LRP11: variants seen among roughly 807,000 people sequenced by gnomAD.
LRP11 encodes low-density lipoprotein receptor-related protein 11.
Under a neutral mutation model 43.1 loss-of-function variants are expected in LRP11, and 25 were observed. The observed-to-expected ratio is 0.58, with a 90% CI of 0.42 to 0.81. The LOEUF (loss-of-function observed/expected upper bound fraction) is 0.81. Ranked by LOEUF, LRP11 falls within the 30% of genes least tolerant of loss-of-function variation. The pLI is 0.00. For synonymous variants in LRP11, 316 were observed against 299.4 expected, an observed-to-expected ratio of 1.06 and a Z score of -0.57; for missense variants, 623 against 665.1, an observed-to-expected ratio of 0.94 and a Z score of 0.70.
Position 149,863,898 on chromosome 6 carries a change from G to C in LRP11, c.123C>G (p.Pro41=). 6.7e-7 allele frequency: 1 copy of C among 1,488,426 alleles called. No individual in the cohort carries two copies. Among genetic ancestry groups the C allele is most frequent in the Non-Finnish European group, 8.9e-7 (1 of 1,127,214 alleles). 92.2% of individuals were successfully genotyped at this position (1,488,426 alleles called of 1,614,324 possible). A position where few individuals can be genotyped will look rare whatever the true frequency, so the allele number is the denominator to read the frequency against. The change falls in exon 1 of 7, where the codon CCC becomes CCG. Residue 41 remains proline, a synonymous_variant. Transcript: ENST00000239367. The part of the protein sequence containing the change: ...WLPSGRAALP[P]AAPLSELHAQ... ...CGTGCAGTTCGGACAGCGGCGCCGC[G>C]GGCGGCAAGGCCGCACGGCCGCTTG...
intron 5 of LRP11, among the ~76,000 whole-genome samples, chr6:149,835,431 C>G (rs1776458670): frequency 6.6e-6 from 1 of 152,098 alleles, no homozygotes; most frequent in African/African-American, 2.4e-5. Flanking sequence ...AAAACCTTGT[C>G]TCTATAAAAA....
chr6:149,863,961 C>A lies in LRP11; in HGVS notation c.60G>T (p.Gly20=). The A allele has an allele frequency of 1.4e-6, 2 of 1,428,770 alleles. No individual in the cohort carries two copies. Among genetic ancestry groups the A allele is most frequent in the South Asian group, 2.8e-5 (2 of 70,286 alleles). 88.5% of individuals were successfully genotyped at this position (1,428,770 alleles called of 1,614,324 possible). ...AGAGCAGTAGCAGCCCGCGCAGCGC[C>A]CCGTGACGCGGCGGTAGCCGGCGCT... The part of the protein sequence containing the change: ...GSQRRLPPRH[G]ALRGLLLLCL... Residue 20 remains glycine (G), a synonymous_variant, in exon 1 of 7, where the codon GGG becomes GGT. Transcript: ENST00000239367.
chr6:149,863,754 G>A lies in LRP11; in HGVS notation c.267C>T (p.Cys89=), dbSNP rs767247503. ...TGTAGCCGCCGCTGCCCGGGCCCGG[G>A]CAGTCCTCCTGGGGGCCGCCGCCCG... ...LRAGGGPQED[C]PGPGSGGYSA... Residue 89 remains cysteine (C), a synonymous_variant, in exon 1 of 7, where the codon TGC becomes TGT. Coordinates refer to ENST00000239367, the MANE Select transcript of LRP11 (RefSeq NM_032832.6). The A allele has an allele frequency of 6.8e-7, 1 of 1,479,554 alleles. No individual in the cohort carries two copies. The highest frequency in any genetic ancestry group is 1.5e-5 in the African/African-American group (1 of 68,412). The allele number at this position is 1,479,554 out of a possible 1,614,324, so 91.7% of individuals were successfully genotyped here. A position where few individuals can be genotyped will look rare whatever the true frequency, so the allele number is the denominator to read the frequency against.
At chr6:149,831,084 AAT>A (rs1776402592) in intron 5 of LRP11, among the ~76,000 whole-genome samples, 1 of 152,266 alleles carries the variant, frequency 6.6e-6, no homozygotes, top group Admixed American at 6.5e-5. Context: ...TGCTTCTGGA[AAT>A]AGTTACTTTT....
chr6:149,827,020 G>A lies in LRP11; in HGVS notation c.1253-661C>T, dbSNP rs931877183. The stretch of plus-strand genomic sequence containing the variant: ...GAGTCTCTGTTGCCCAGATTGGAGT[G>A]CAGTGGCACGATCTTGGCTCACTGC... On this transcript the variant is annotated intron_variant, in intron 5 of 6. Coordinates refer to ENST00000239367, the MANE Select transcript of LRP11 (RefSeq NM_032832.6). This position sits in a 1 kb window ranked among gnomAD's most constrained non-coding sequence, Gnocchi z 4.2. Among the ~76,000 whole-genome samples, 19 of 149,282 alleles carry A rather than the reference G, an allele frequency of 1.3e-4. No individual in the cohort carries two copies. The highest frequency in any genetic ancestry group is 4.5e-4 in the African/African-American group (18 of 40,324).
At position 149,820,450 on chromosome 6, in the gene LRP11, C is replaced by A; in HGVS notation, c.*99G>T. 3.7e-6 allele frequency: 2 copies of A among 547,548 alleles called. No individual in the cohort carries two copies. Among genetic ancestry groups the A allele is most frequent in the Non-Finnish European group, 3.3e-6 (1 of 301,714 alleles). 33.9% of individuals were successfully genotyped at this position (547,548 alleles called of 1,614,324 possible). On this transcript the variant is annotated 3_prime_UTR_variant, in exon 7 of 7. Coordinates refer to ENST00000239367, the MANE Select transcript of LRP11 (RefSeq NM_032832.6). The stretch of plus-strand genomic sequence containing the variant: ...TTTGGGATTTGCAGAATCTTCTGGC[C>A]CAATTAAAAACAAAAGAAGCTGTAA...
At chr6:149,842,833 G>T in intron 3 of LRP11, 150 bp downstream of exon 3, 2 of 1,192,234 alleles carry the variant, frequency 1.7e-6, no homozygotes, top group Non-Finnish European at 1.2e-6. Context: ...GCCTGCTTTT[G>T]TTATTGTGTT....
chr6:149,835,920 T>C (rs1387061098), intron 5 of LRP11, among the ~76,000 whole-genome samples, 165 bp downstream of exon 5: 1 of 152,190 alleles, frequency 6.6e-6, no homozygotes, highest in African/African-American at 2.4e-5. Context: ...TACTACAAAT[T>C]AGTGCAAATG....
At position 149,853,120 on chromosome 6, in the gene LRP11, C is replaced by G; in HGVS notation, c.654G>C (p.Val218=). ...APPLSKAGQD[V]VLHLPTDGVV... ...CCCCGTCTGTGGGCAGATGCAGAAC[C>G]ACATCCTGCCCAGCCTTGCTAAGTG... Residue 218 remains valine (V), a synonymous_variant, in exon 2 of 7, where the codon GTG becomes GTC. Coordinates refer to ENST00000239367, the MANE Select transcript of LRP11 (RefSeq NM_032832.6). 6.2e-7 allele frequency: 1 copy of G among 1,610,986 alleles called. No individual in the cohort carries two copies. Among genetic ancestry groups the G allele is most frequent in the South Asian group, 1.1e-5 (1 of 90,618 alleles).
intron 2 of LRP11, among the ~76,000 whole-genome samples, chr6:149,845,025 C>T (rs1776611299): frequency 1.3e-5 from 2 of 152,162 alleles, no homozygotes; most frequent in South Asian, 4.1e-4. Context: ...CTGAAAGAAA[C>T]ACTGGTGCGT....
At chr6:149,845,977 C>T (rs1776626201) in intron 2 of LRP11, among the ~76,000 whole-genome samples, 3 of 152,202 alleles carry the variant, frequency 2.0e-5, no homozygotes, top group Non-Finnish European at 4.4e-5. Flanking sequence ...TCCGCGGGTA[C>T]CACCTTGCTC....
intron 2 of LRP11, among the ~76,000 whole-genome samples, chr6:149,846,113 G>A (rs1352293999): frequency 2.0e-5 from 3 of 152,168 alleles, no homozygotes; most frequent in Non-Finnish European, 2.9e-5. Context: ...GCAGTGAGAG[G>A]AAGGTCAGTT....
intron 2 of LRP11, among the ~76,000 whole-genome samples, chr6:149,844,977 T>C (rs945773119): frequency 6.6e-6 from 1 of 152,192 alleles, no homozygotes; most frequent in African/African-American, 2.4e-5. Context: ...CCCAGGATTC[T>C]ACACTTACCA....
chr6:149,861,965 G>A (rs1218428238), intron 1 of LRP11, among the ~76,000 whole-genome samples: 1 of 152,230 alleles, frequency 6.6e-6, no homozygotes, highest in Non-Finnish European at 1.5e-5. Context: ...AGAACACAGA[G>A]AAAAGACTTT....
At chr6:149,841,523 G>A (rs150824524) in intron 3 of LRP11, among the ~76,000 whole-genome samples, 239 of 152,338 alleles carry the variant, frequency 1.6e-3, no homozygotes, top group African/African-American at 5.4e-3. Context: ...TGTGTGTGGT[G>A]AGGGGTTCCC....
intron 6 of LRP11, among the ~76,000 whole-genome samples, chr6:149,820,983 T>G (rs895868740): frequency 7.2e-6 from 1 of 138,906 alleles, no homozygotes; most frequent in African/African-American, 2.8e-5. Context: ...CAGGCTGGAG[T>G]GTAATGGCTC....
chr6:149,837,615 T>G, intron 3 of LRP11, 152 bp from the exon 4 acceptor site: 2 of 753,938 alleles, frequency 2.7e-6, no homozygotes, highest in Non-Finnish European at 4.2e-6. Context: ...CAACAGGTTC[T>G]GGAGAGGTTG....
rs1776970010 is a variant in LRP11, at chr6:149,863,511, G to A, written c.510C>T (p.Arg170=). The A allele has an allele frequency of 2.2e-5, 30 of 1,346,862 alleles. No homozygotes were observed. The highest frequency in any genetic ancestry group is 9.3e-5 in the East Asian group (3 of 32,100). The allele number at this position is 1,346,862 out of a possible 1,614,324, so 83.4% of individuals were successfully genotyped here. The change falls in exon 1 of 7, where the codon CGC becomes CGT. Residue 170 remains arginine, a synonymous_variant. Coordinates refer to ENST00000239367, the MANE Select transcript of LRP11 (RefSeq NM_032832.6). ...CYLFNCTARG[R]NVCKFALHSG... is the part of the protein sequence containing the mutation. ...TGTGCAGCGCGAACTTGCAGACGTT[G>A]CGGCCGCGCGCCGTGCAGTTGAAGA...
chr6:149,840,615 G>C (rs991936284), intron 3 of LRP11, among the ~76,000 whole-genome samples: 4 of 152,188 alleles, frequency 2.6e-5, no homozygotes, highest in African/African-American at 9.7e-5. Context: ...AGGCACTTCA[G>C]CTGTACAAGA....
Sources: allele counts gnomAD v4.1 joint callset (sites outside exome capture counted in the v4.1 genomes callset), GRCh38; gene constraint gnomAD v4.1.1; non-coding constraint Gnocchi (gnomAD v3.1); transcripts MANE v1.5; gene names NCBI Gene and HGNC (gene_info 2026-07-23, HGNC 2026-07-21).